Variants in TMC5 observed in about 807,000 individuals in gnomAD.
TMC5 encodes the protein transmembrane channel like 5.
A neutral mutation model predicts 110.5 loss-of-function variants in TMC5; 86 were observed. The observed-to-expected ratio is 0.78, with a 90% CI of 0.65 to 0.93. The LOEUF (loss-of-function observed/expected upper bound fraction) is 0.93, where lower values mean the gene tolerates loss of function less well. TMC5 is among the 40% of genes least tolerant of loss of function. The pLI, the probability that TMC5 is intolerant of heterozygous loss-of-function variation, is 0.00. For missense variants in TMC5, 1,144 were observed against 1,222.8 expected, an observed-to-expected ratio of 0.94 and a Z score of 0.96; for synonymous variants, 455 against 439.5, an observed-to-expected ratio of 1.04 and a Z score of -0.44.
upstream of TMC5, among the ~76,000 whole-genome samples, chr16:19,416,177 G>C (rs181969786): frequency 6.7e-6 from 1 of 148,370 alleles, no homozygotes; most frequent in African/African-American, 2.6e-5. Flanking sequence ...CAAAGCAAGA[G>C]CCTGTCTCAA....
intron 2 of TMC5, among the ~76,000 whole-genome samples, 173 bp downstream of exon 2, chr16:19,430,813 A>C (rs1967179318): frequency 6.6e-6 from 1 of 151,046 alleles, no homozygotes; most frequent in Non-Finnish European, 1.5e-5. Context: ...ACAGAATTTT[A>C]TTGGGACTAA....
intron 5 of TMC5, among the ~76,000 whole-genome samples, chr16:19,457,566 G>A (rs567366523): frequency 9.9e-5 from 15 of 152,010 alleles, no homozygotes; most frequent in African/African-American, 2.9e-4. Flanking sequence ...GTTATCCATC[G>A]AATTTTTATG....
intron 2 of TMC5, among the ~76,000 whole-genome samples, chr16:19,436,754 C>T (rs796236762): frequency 2.8e-4 from 43 of 152,256 alleles, no homozygotes; most frequent in African/African-American, 1.0e-3. Context: ...TAAATGATGT[C>T]ATCAACATCT....
chr16:19,448,268 C>G (rs1286628811), intron 4 of TMC5, among the ~76,000 whole-genome samples: 1 of 150,072 alleles, frequency 6.7e-6, no homozygotes, highest in Non-Finnish European at 1.5e-5. Flanking sequence ...ATAGGTGTGT[C>G]CTGGATCTCA....
intron 2 of TMC5, among the ~76,000 whole-genome samples, chr16:19,436,198 G>A (rs1379664720): frequency 6.7e-6 from 1 of 148,990 alleles, no homozygotes; most frequent in Admixed American, 6.7e-5. Context: ...GGATGGGGGT[G>A]CGGAAGTTGT....
intron 21 of TMC5, among the ~76,000 whole-genome samples, chr16:19,497,431 C>T (rs1969085320): frequency 6.6e-6 from 1 of 152,208 alleles, no homozygotes; most frequent in African/African-American, 2.4e-5. Context: ...AAGTGCAAGA[C>T]AGCTTTATCA....
At chr16:19,485,429 CA>C (rs2143721317) in intron 15 of TMC5, among the ~76,000 whole-genome samples, 1 of 152,212 alleles carries the variant, frequency 6.6e-6, no homozygotes, top group East Asian at 1.9e-4. Flanking sequence ...CCCTAGATGT[CA>C]AAACGTCAGG....
At chr16:19,428,427 G>C (rs926385147) in intron 1 of TMC5, among the ~76,000 whole-genome samples, 31 of 151,286 alleles carry the variant, frequency 2.0e-4, no homozygotes, top group African/African-American at 5.8e-4. Context: ...CGCTGGCTTA[G>C]ACTCTGAAAG....
chr16:19,488,048 G>A (rs1014148114), intron 17 of TMC5: 16 of 152,778 alleles, frequency 1.0e-4, no homozygotes, highest in African/African-American at 3.9e-4. Flanking sequence ...CTGGCCCTGG[G>A]GTGATTAGGG....
intron 5 of TMC5, chr16:19,456,358 G>A: frequency 1.5e-6 from 1 of 664,376 alleles, no homozygotes; most frequent in Non-Finnish European, 1.9e-6. Context: ...CTTTGACTAT[G>A]AGTCATTTAG....
chr16:19,493,931 T>C (rs763287692), intron 19 of TMC5, among the ~76,000 whole-genome samples: 2 of 152,046 alleles, frequency 1.3e-5, no homozygotes, highest in Non-Finnish European at 2.9e-5. Flanking sequence ...CACGTGCCTA[T>C]GGGGGATACT....
chr16:19,472,008 G>T (rs959537277), intron 10 of TMC5, 80 bp from the exon 11 acceptor site: 7 of 1,441,274 alleles, frequency 4.9e-6, no homozygotes, highest in Non-Finnish European at 6.7e-6. Flanking sequence ...TGATCCACCC[G>T]CCTTGGCCTC....
chr16:19,484,770 GAA>G (rs79947486), intron 15 of TMC5, among the ~76,000 whole-genome samples: 11 of 103,936 alleles, frequency 1.1e-4, no homozygotes, highest in Non-Finnish European at 8.7e-5. Flanking sequence ...TCTCAAAAAG[GAA>G]AAAAAAAAAA....
chr16:19,434,093 CTATAATATA>C (rs1967260180), intron 2 of TMC5, among the ~76,000 whole-genome samples: 4 of 20,168 alleles, frequency 2.0e-4, no homozygotes, highest in African/African-American at 1.2e-3. Context: ...ATATATATAT[CTATAATATA>C]TATATTATAT....
intron 2 of TMC5, among the ~76,000 whole-genome samples, chr16:19,435,335 CAAAA>C (rs35284193): frequency 7.9e-5 from 11 of 138,828 alleles, no homozygotes; most frequent in Admixed American, 1.5e-4. Flanking sequence ...ACTAAAAATA[CAAAA>C]AAAAAAAAAA....
At chr16:19,424,386 C>T (rs1249547212) in intron 1 of TMC5, among the ~76,000 whole-genome samples, 3 of 152,212 alleles carry the variant, frequency 2.0e-5, no homozygotes, top group East Asian at 1.9e-4. Flanking sequence ...AGTGGTGGCT[C>T]ATGCCTGTAA....
At chr16:19,470,193 T>A (rs1468096248) in intron 10 of TMC5, among the ~76,000 whole-genome samples, 1 of 134,166 alleles carries the variant, frequency 7.5e-6, no homozygotes, top group Non-Finnish European at 1.5e-5. Context: ...CGCGCCCAGC[T>A]GTTTTTTTTT....
chr16:19,488,136 G>T (rs1968798882), intron 17 of TMC5, among the ~76,000 whole-genome samples: 1 of 152,082 alleles, frequency 6.6e-6, no homozygotes, highest in Non-Finnish European at 1.5e-5. Flanking sequence ...TGGTTGGTTT[G>T]CATTTGAAAG....
intron 20 of TMC5, among the ~76,000 whole-genome samples, chr16:19,496,887 C>CAAAAAAAAAAAAA (rs67040638): frequency 1.6e-4 from 13 of 80,220 alleles, no homozygotes; most frequent in African/African-American, 6.2e-4. Flanking sequence ...AAGACTCTGT[C>CAAAAAAAAAAAAA]AAAAAAAAAA....
Sources: gnomAD v4.1 joint callset for allele counts (sites outside exome capture counted in the v4.1 genomes callset) on GRCh38, gnomAD v4.1.1 for gene constraint, MANE v1.5 for transcripts, NCBI Gene and HGNC (gene_info 2026-07-23, HGNC 2026-07-21) for gene names.